Variants in SESN3 observed in about 807,000 individuals in gnomAD.
SESN3 encodes the protein sestrin 3, also known as sestrin-3.
A neutral mutation model predicts 55.3 loss-of-function variants in SESN3; 21 were observed. The ratio of observed to expected loss-of-function variants is 0.38; its 90% CI spans 0.27 to 0.55. SESN3 has a LOEUF of 0.55. Ranked by LOEUF, SESN3 falls within the 20% of genes least tolerant of loss-of-function variation. SESN3 has a pLI of 0.76. For missense variants in SESN3, 408 were observed against 604.3 expected, an observed-to-expected ratio of 0.68 and a Z score of 3.41; for synonymous variants, 181 against 203.1, an observed-to-expected ratio of 0.89 and a Z score of 0.93.
intron 1 of SESN3, among the ~76,000 whole-genome samples, chr11:95,224,837 A>C (rs1208394568): frequency 1.3e-5 from 2 of 152,290 alleles, no homozygotes; most frequent in East Asian, 3.9e-4. Flanking sequence ...TGAGTAACCA[A>C]AGTTTGTCTG....
At chr11:95,190,462 A>G (rs987205113) in intron 3 of SESN3, among the ~76,000 whole-genome samples, 6 of 151,940 alleles carry the variant, frequency 3.9e-5, no homozygotes, top group African/African-American at 1.2e-4. Context: ...TGCAGTCAGA[A>G]TCAGCCCTCA....
At chr11:95,213,060 C>G (rs924508321) in intron 1 of SESN3, among the ~76,000 whole-genome samples, 1 of 151,754 alleles carries the variant, frequency 6.6e-6, no homozygotes, top group Non-Finnish European at 1.5e-5. Flanking sequence ...TCCTGTAACC[C>G]CACCACCCAG....
chr11:95,202,995 T>C (rs545671169), intron 1 of SESN3, among the ~76,000 whole-genome samples: 2 of 152,220 alleles, frequency 1.3e-5, no homozygotes, highest in African/African-American at 4.8e-5. Context: ...GAGACAATTA[T>C]ATAACATTCT....
In SESN3 at chr11:95,178,701, A is replaced by C. The variant is rs771520255; in HGVS notation, c.1056+9T>G. ...GTTCTAGTTTCTCTGAATTAAAGAC[A>C]TATTATACCTGAGCTCGGAATGTTG... On this transcript the variant is annotated intron_variant, in intron 7 of 9. Coordinates refer to ENST00000536441, the MANE Select transcript of SESN3 (RefSeq NM_144665.4). The C allele has an allele frequency of 6.6e-7, 1 of 1,518,510 alleles. No individual in the cohort carries two copies. The highest frequency in any genetic ancestry group is 1.1e-5 in the South Asian group (1 of 89,144). 94.1% of individuals were successfully genotyped at this position (1,518,510 alleles called of 1,614,324 possible). A position where few individuals can be genotyped will look rare whatever the true frequency, so the allele number is the denominator to read the frequency against.
At chr11:95,224,922 A>C (rs1278466106) in intron 1 of SESN3, among the ~76,000 whole-genome samples, 2 of 152,204 alleles carry the variant, frequency 1.3e-5, no homozygotes, top group Non-Finnish European at 2.9e-5. Flanking sequence ...AAACAACTGC[A>C]CAAGTTTTCT....
chr11:95,228,858 G>C (rs770542271), intron 1 of SESN3, among the ~76,000 whole-genome samples: 5 of 152,152 alleles, frequency 3.3e-5, no homozygotes, highest in Non-Finnish European at 5.9e-5. Context: ...TAGAAATGAG[G>C]ATGTTCTTTC....
At chr11:95,220,167 A>G (rs1044967894) in intron 1 of SESN3, among the ~76,000 whole-genome samples, 2 of 152,188 alleles carry the variant, frequency 1.3e-5, no homozygotes, top group African/African-American at 2.4e-5. Flanking sequence ...CCTTTAATCA[A>G]AATTTTTGTC....
chr11:95,190,105 C>T (rs545887376), intron 3 of SESN3, 144 bp from the exon 4 acceptor site: 3 of 605,664 alleles, frequency 5.0e-6, no homozygotes, highest in East Asian at 5.9e-5. Context: ...CTAAAACATC[C>T]ATCATAATGA....
At position 95,230,968 on chromosome 11, in the gene SESN3, T is replaced by G; in HGVS notation, c.-108A>C. ...CCCCGCCGCCAGCCGCGATTCCGCC[T>G]CAGCCTCCTCAAGGCGGGATGTCGG... On this transcript the variant is annotated 5_prime_UTR_variant, in exon 1 of 10. Coordinates refer to ENST00000536441, the MANE Select transcript of SESN3 (RefSeq NM_144665.4). This position sits in a 1 kb window ranked among gnomAD's most constrained non-coding sequence, Gnocchi z 4.6. The G allele has an allele frequency of 1.5e-6, 1 of 662,322 alleles. No homozygotes were observed. The highest frequency in any genetic ancestry group is 2.9e-5 in the South Asian group (1 of 34,922). The allele number at this position is 662,322 out of a possible 1,614,324, so 41.0% of individuals were successfully genotyped here.
rs1425808702 is a variant in SESN3 at position 95,189,784 on chromosome 11, T to C, written c.520A>G (p.Ile174Val). The change falls in exon 4 of 10, where the codon ATT (isoleucine) becomes GTT (valine). Residue 174 changes from isoleucine to valine, a missense_variant. By Grantham distance (29) the Ile-to-Val change is conservative. Coordinates refer to ENST00000536441, the MANE Select transcript of SESN3 (RefSeq NM_144665.4). ...TTCAAAGAAACATTCAGTACCTGAA[T>C]GTGCTCTTTTGTGATCAGCCAAGGT... Reference protein sequence around the residue: ...HRPWLITKEHIQKLVKTGENN... With the variant: ...HRPWLITKEHVQKLVKTGENN... 1 of 1,600,196 alleles carries C rather than the reference T, an allele frequency of 6.2e-7. No individual in the cohort carries two copies. Among genetic ancestry groups the C allele is most frequent in the African/African-American group, 1.4e-5 (1 of 73,968 alleles).
chr11:95,186,193 A>AGT (rs1860160243), intron 4 of SESN3, among the ~76,000 whole-genome samples: 22 of 18,036 alleles, frequency 1.2e-3, no homozygotes, highest in Non-Finnish European at 2.5e-3. Flanking sequence ...TCTATCTCTC[A>AGT]CTGTGTGTGT....
chr11:95,186,241 T>TGTGTGTGTGTGG (rs1209278155), intron 4 of SESN3, among the ~76,000 whole-genome samples: 2 of 136,184 alleles, frequency 1.5e-5, no homozygotes, highest in South Asian at 2.3e-4. Flanking sequence ...TGTGTGTGTG[T>TGTGTGTGTGTGG]GGTGTATGTA....
At chr11:95,203,387 T>C (rs1362487106) in intron 1 of SESN3, among the ~76,000 whole-genome samples, 1 of 152,182 alleles carries the variant, frequency 6.6e-6, no homozygotes, top group Non-Finnish European at 1.5e-5. Context: ...CATGTTCTCA[T>C]TTAAATTGAG....
chr11:95,183,943 T>A (rs1860112051), intron 6 of SESN3, among the ~76,000 whole-genome samples: 1 of 152,126 alleles, frequency 6.6e-6, no homozygotes, highest in Non-Finnish European at 1.5e-5. Context: ...AATACATTTT[T>A]ATAGAATTCC....
In SESN3 at chr11:95,183,073, T is replaced by A. The variant is rs147102676; in HGVS notation, c.937+1347A>T. ...TTCACATTCTGCTATGAGTTACAAT[T>A]ATTTTTTTGCTACTAGAATGAGAGT... On this transcript the variant is annotated intron_variant, in intron 6 of 9. Transcript: ENST00000536441. Among the ~76,000 whole-genome samples, 193 of 152,264 alleles carry A rather than the reference T, an allele frequency of 1.3e-3. 1 individual carries two copies. The highest frequency in any genetic ancestry group is 4.4e-3 in the African/African-American group (183 of 41,548).
intron 6 of SESN3, chr11:95,184,077 A>G: frequency 3.1e-6 from 1 of 327,006 alleles, no homozygotes; most frequent in Non-Finnish European, 5.5e-6. Flanking sequence ...AATTTTATCT[A>G]TTGAAACAAT....
chr11:95,186,194 C>CTCTGTGTGTGTGTGTG (rs1363097937), intron 4 of SESN3, among the ~76,000 whole-genome samples: 3 of 107,552 alleles, frequency 2.8e-5, no homozygotes, highest in Admixed American at 1.0e-4. Context: ...CTATCTCTCA[C>CTCTGTGTGTGTGTGTG]TGTGTGTGTG....
At position 95,169,979 on chromosome 11, in the gene SESN3, T is replaced by A. The variant is rs769066835; in HGVS notation, c.*3276A>T. On this transcript the variant is annotated 3_prime_UTR_variant, in exon 10 of 10. Coordinates refer to ENST00000536441, the MANE Select transcript of SESN3 (RefSeq NM_144665.4). ...GTGTTTCTCTGCCATTATTTGGGCT[T>A]ACAACCATAATTAAAGGCCAAGGCT... The A allele has an allele frequency of 6.6e-6, 1 of 152,200 alleles. No homozygotes were observed. Among genetic ancestry groups the A allele is most frequent in the Non-Finnish European group, 1.5e-5 (1 of 68,038 alleles). 9.4% of individuals were successfully genotyped at this position (152,200 alleles called of 1,614,324 possible).
At chr11:95,175,703 T>C in intron 8 of SESN3, 61 bp from the exon 9 acceptor site, 1 of 1,359,488 alleles carries the variant, frequency 7.4e-7, no homozygotes, top group Admixed American at 1.9e-5. Flanking sequence ...TTTCCAAAGT[T>C]ATACTAAGGA....
Sources: allele counts gnomAD v4.1 joint callset (sites outside exome capture counted in the v4.1 genomes callset), GRCh38; gene constraint gnomAD v4.1.1; non-coding constraint Gnocchi (gnomAD v3.1); transcripts MANE v1.5; gene names NCBI Gene and HGNC (gene_info 2026-07-23, HGNC 2026-07-21).